RNF157: variants seen among roughly 807,000 people sequenced by gnomAD.
RNF157 encodes the protein E3 ubiquitin ligase RNF157.
RNF157 carries 55 observed loss-of-function variants against 88.3 expected under a neutral mutation model. The observed-to-expected ratio is 0.62, with a 90% CI of 0.50 to 0.78. The LOEUF (loss-of-function observed/expected upper bound fraction) is 0.78. Ranked by LOEUF, RNF157 falls within the 30% of genes least tolerant of loss-of-function variation. RNF157 has a pLI of 0.00. For synonymous variants in RNF157, 334 were observed against 341.2 expected, an observed-to-expected ratio of 0.98 and a Z score of 0.23; for missense variants, 788 against 860.8, an observed-to-expected ratio of 0.92 and a Z score of 1.06.
rs576760278 is a variant in RNF157 at position 76,144,296 on chromosome 17, G to T, written c.*939C>A. ...CTCCTTAAGGGAAATCATCTTAACT[G>T]GGGGATTCTCAGATTCAAGGGCTCC... On this transcript the variant is annotated 3_prime_UTR_variant, in exon 19 of 19. Transcript: ENST00000269391. The T allele has an allele frequency of 2.0e-5, 3 of 151,882 alleles. No homozygotes were observed. The highest frequency in any genetic ancestry group is 7.2e-5 in the African/African-American group (3 of 41,400). 9.4% of individuals were successfully genotyped at this position (151,882 alleles called of 1,614,324 possible). A position where few individuals can be genotyped will look rare whatever the true frequency, so the allele number is the denominator to read the frequency against.
chr17:76,218,125 G>A (rs1231360914), intron 1 of RNF157, among the ~76,000 whole-genome samples: 3 of 151,820 alleles, frequency 2.0e-5, no homozygotes, highest in Non-Finnish European at 4.4e-5. Context: ...AAAACCAAAA[G>A]GTATGAGCCA....
At chr17:76,199,222 A>C (rs980141824) in intron 2 of RNF157, among the ~76,000 whole-genome samples, 4 of 152,210 alleles carry the variant, frequency 2.6e-5, no homozygotes, top group Non-Finnish European at 5.9e-5. Flanking sequence ...AGATTAAAAC[A>C]TGAACAAAGA....
chr17:76,145,562 T>C, intron 18 of RNF157: 1 of 516,510 alleles, frequency 1.9e-6, no homozygotes, highest in Non-Finnish European at 3.4e-6. Flanking sequence ...CCCCCTGGGC[T>C]AGGTACAGTC....
At chr17:76,172,916 T>C (rs980126812) in intron 3 of RNF157, among the ~76,000 whole-genome samples, 2 of 151,896 alleles carry the variant, frequency 1.3e-5, no homozygotes, top group Non-Finnish European at 2.9e-5. Flanking sequence ...ATAATTAACA[T>C]TGATGATGAG....
intron 1 of RNF157, among the ~76,000 whole-genome samples, chr17:76,218,364 A>G (rs1191454637): frequency 1.3e-5 from 2 of 152,224 alleles, no homozygotes; most frequent in African/African-American, 4.8e-5. Context: ...TTCCAGGCCA[A>G]GCCCAGTGGC....
At chr17:76,172,268 C>A (rs143498211) in intron 3 of RNF157, among the ~76,000 whole-genome samples, 3 of 152,086 alleles carry the variant, frequency 2.0e-5, no homozygotes, top group Non-Finnish European at 4.4e-5. Flanking sequence ...GAGCTGAGAT[C>A]GTGCCACTGT....
Position 76,168,073 on chromosome 17 carries a change from C to T in RNF157, c.297-276G>A, listed in dbSNP as rs2068956537. 2.0e-5 allele frequency among the ~76,000 whole-genome samples: 3 copies of T among 152,086 alleles called. No homozygotes were observed. The South Asian group carries it at 6.2e-4, about 32-fold the overall frequency. ...ATTAATCACATAGTTTAAATAGTTT[C>T]CTCAAGGCAAAAAACAGCAGGCCTT... is the stretch of plus-strand genomic sequence containing the variant. On this transcript the variant is annotated intron_variant, in intron 3 of 18. Coordinates refer to ENST00000269391, the MANE Select transcript of RNF157 (RefSeq NM_052916.3).
intron 2 of RNF157, among the ~76,000 whole-genome samples, chr17:76,203,077 G>A (rs1407472661): frequency 4.6e-5 from 7 of 152,092 alleles, no homozygotes; most frequent in African/African-American, 1.4e-4. Flanking sequence ...TGCAACCTCC[G>A]CCTTCTGGGT....
At chr17:76,180,092 A>G (rs2069166468) in intron 2 of RNF157, among the ~76,000 whole-genome samples, 1 of 152,186 alleles carries the variant, frequency 6.6e-6, no homozygotes. Flanking sequence ...AGGTCCACAG[A>G]CAGAGGGAGA....
chr17:76,197,709 A>G (rs1470964374), intron 2 of RNF157, among the ~76,000 whole-genome samples: 3 of 152,158 alleles, frequency 2.0e-5, no homozygotes, highest in Non-Finnish European at 4.4e-5. Context: ...CTGGGATTAC[A>G]GATGTGCCAC....
rs541176318 is a variant in RNF157 at position 76,230,904 on chromosome 17, G to A, written c.88+9249C>T. 9.0e-5 allele frequency among the ~76,000 whole-genome samples: 13 copies of A among 144,356 alleles called. 1 individual carries two copies. The South Asian group carries it at 2.7e-3, about 30-fold the overall frequency. 94.7% of individuals were successfully genotyped at this position (144,356 alleles called of 152,430 possible). A position where few individuals can be genotyped will look rare whatever the true frequency, so the allele number is the denominator to read the frequency against. On this transcript the variant is annotated intron_variant, in intron 1 of 18. Transcript: ENST00000269391. The stretch of plus-strand genomic sequence containing the variant: ...AAAGAGAAAGAGAGAAAGAGAGAGA[G>A]AGAGACTTTTCTTAGATTAAAAGAT...
At position 76,223,849 on chromosome 17, in the gene RNF157, T is replaced by C. The variant is rs936859508; in HGVS notation, c.89-11367A>G. Among the ~76,000 whole-genome samples, 3 of 152,220 alleles carry C rather than the reference T, an allele frequency of 2.0e-5. No homozygotes were observed. In the South Asian group the frequency reaches 6.2e-4, roughly 32 times the overall value. On this transcript the variant is annotated intron_variant, in intron 1 of 18. Transcript: ENST00000269391. ...AATAACTCTGAACCTCAGTAAAAAA[T>C]GTTAGAACATGCAGTGTTTTCAACA...
In RNF157 at chr17:76,159,445, G is replaced by A. The variant is rs1306864984; in HGVS notation, c.1194C>T (p.Leu398=). The A allele has an allele frequency of 1.2e-6, 2 of 1,613,194 alleles. No homozygotes were observed. The highest frequency in any genetic ancestry group is 2.7e-5 in the African/African-American group (2 of 75,012). The change falls in exon 12 of 19, where the codon CTC becomes CTT. Residue 398 remains leucine, a synonymous_variant. Coordinates refer to ENST00000269391, the MANE Select transcript of RNF157 (RefSeq NM_052916.3). The stretch of plus-strand genomic sequence containing the variant: ...GGTGGCCATCACTGCCATATGAAGG[G>A]AGCATTCCTGAGAGGTGGCCATCTC... ...VLGDGHLSGM[L]PSYGSDGHLP... is the part of the protein sequence containing the mutation.
chr17:76,169,507 A>T (rs2068980014), intron 3 of RNF157, among the ~76,000 whole-genome samples: 1 of 151,402 alleles, frequency 6.6e-6, no homozygotes. Flanking sequence ...CCTGGGCTTA[A>T]GTGATCCTCC....
At chr17:76,177,144 C>T (rs932659891) in intron 2 of RNF157, among the ~76,000 whole-genome samples, 5 of 152,004 alleles carry the variant, frequency 3.3e-5, no homozygotes, top group Admixed American at 2.0e-4. Context: ...GGCCCTGGCC[C>T]CGGCCCAGTG....
chr17:76,197,650 G>A (rs2069499752), intron 2 of RNF157, among the ~76,000 whole-genome samples: 1 of 152,184 alleles, frequency 6.6e-6, no homozygotes, highest in Non-Finnish European at 1.5e-5. Flanking sequence ...GTTCACTGCA[G>A]CCTCAAACTT....
chr17:76,214,511 A>T (rs536019526), intron 1 of RNF157, among the ~76,000 whole-genome samples: 59 of 152,316 alleles, frequency 3.9e-4, no homozygotes, highest in African/African-American at 1.3e-3. Context: ...AACTTGCTGC[A>T]AACATTATTG....
At chr17:76,239,789 G>A (rs2070346095) in intron 1 of RNF157, among the ~76,000 whole-genome samples, 1 of 152,094 alleles carries the variant, frequency 6.6e-6, no homozygotes, top group African/African-American at 2.4e-5. Flanking sequence ...GGCCGGCCGG[G>A]TCCGTGCGGG....
intron 1 of RNF157, among the ~76,000 whole-genome samples, chr17:76,231,607 T>C (rs1380430036): frequency 1.3e-5 from 2 of 152,014 alleles, no homozygotes; most frequent in African/African-American, 4.8e-5. Flanking sequence ...GCCTGGGTAA[T>C]ATAGTGAGAC....
Sources: allele counts gnomAD v4.1 joint callset (sites outside exome capture counted in the v4.1 genomes callset), GRCh38; gene constraint gnomAD v4.1.1; transcripts MANE v1.5; gene names NCBI Gene and HGNC (gene_info 2026-07-23, HGNC 2026-07-21).